WDPCP: variants seen among roughly 807,000 people sequenced by gnomAD.
WDPCP encodes WD repeat containing planar cell polarity effector, also known as WD repeat-containing and planar cell polarity effector protein fritz homolog.
Under a neutral mutation model 93.1 loss-of-function variants are expected in WDPCP, and 71 were observed. That is an observed-to-expected ratio of 0.76 (90% CI 0.63 to 0.93). The LOEUF is 0.93. WDPCP is among the 40% of genes least tolerant of loss of function. WDPCP has a pLI of 0.00. For synonymous variants in WDPCP, 315 were observed against 315.0 expected (o/e 1.00, Z 0.00); for missense variants, 844 against 887.4 (o/e 0.95, Z 0.62).
chr2:63,124,792 T>C (rs934560340), intron 17 of WDPCP, among the ~76,000 whole-genome samples: 2 of 152,188 alleles, frequency 1.3e-5, no homozygotes, highest in African/African-American at 4.8e-5. Flanking sequence ...TTGAGGCTCA[T>C]ATGGGTTAAG....
intron 14 of WDPCP, among the ~76,000 whole-genome samples, chr2:63,207,136 T>A (rs17348120): frequency 0.32 from 48,155 of 152,104 alleles, 9,122 homozygotes; most frequent in Non-Finnish European, 0.42. Context: ...TTTATTATGC[T>A]TATCACTAGT....
At chr2:63,142,518 T>G in intron 17 of WDPCP, among the ~76,000 whole-genome samples, 1 of 152,226 alleles carries the variant, frequency 6.6e-6, no homozygotes, top group East Asian at 1.9e-4. Flanking sequence ...ATAATTTCAA[T>G]TTTTTAAAAT....
intron 8 of WDPCP, among the ~76,000 whole-genome samples, chr2:63,434,161 A>G (rs1320955384): frequency 1.3e-5 from 2 of 152,192 alleles, no homozygotes; most frequent in Admixed American, 6.5e-5. Flanking sequence ...AAGGAAAAGG[A>G]GAAATGTGAG....
chr2:63,288,481 G>T lies in WDPCP; in HGVS notation c.1812+24767C>A, dbSNP rs532880047. Reference sequence around the variant, plus strand: ...TATTGAGAGAATGCATGTAATAGTAGAGTCTAGATCTGTGATAGTAAGTGA... The same window carrying T: ...TATTGAGAGAATGCATGTAATAGTATAGTCTAGATCTGTGATAGTAAGTGA... On this transcript the variant is annotated intron_variant, in intron 13 of 17. Coordinates refer to ENST00000272321, the MANE Select transcript of WDPCP (RefSeq NM_015910.7). 2.6e-5 allele frequency among the ~76,000 whole-genome samples: 4 copies of T among 152,316 alleles called. No homozygotes were observed. In the East Asian group the frequency reaches 7.7e-4, roughly 29 times the overall value.
At chr2:63,231,013 A>G (rs1467912179) in intron 14 of WDPCP, among the ~76,000 whole-genome samples, 1 of 152,086 alleles carries the variant, frequency 6.6e-6, no homozygotes, top group East Asian at 1.9e-4. Flanking sequence ...ATACTGGCAA[A>G]CTGAATCCAG....
chr2:63,421,714 A>T (rs1695875722), intron 9 of WDPCP, among the ~76,000 whole-genome samples: 1 of 152,190 alleles, frequency 6.6e-6, no homozygotes, highest in Admixed American at 6.5e-5. Context: ...CCCACATAAA[A>T]CAGACAGTTA....
At chr2:63,258,615 G>A (rs1312395767) in intron 14 of WDPCP, among the ~76,000 whole-genome samples, 2 of 152,026 alleles carry the variant, frequency 1.3e-5, no homozygotes, top group African/African-American at 2.4e-5. Context: ...CAATCCTGAG[G>A]GTTCTTTGCC....
At chr2:63,584,350 G>C (rs544794241) in intron 1 of WDPCP, among the ~76,000 whole-genome samples, 1 of 152,206 alleles carries the variant, frequency 6.6e-6, no homozygotes, top group East Asian at 1.9e-4. Context: ...GTGAACAACA[G>C]TATTTGTTGC....
chr2:63,137,359 A>G (rs1214484536), intron 17 of WDPCP, among the ~76,000 whole-genome samples: 2 of 152,120 alleles, frequency 1.3e-5, no homozygotes, highest in Non-Finnish European at 2.9e-5. Context: ...GTTTGTATGT[A>G]TGATTCTCTT....
At chr2:63,730,984 A>T (rs1360661819) in intron 2 of WDPCP, among the ~76,000 whole-genome samples, 1 of 152,058 alleles carries the variant, frequency 6.6e-6, no homozygotes, top group Non-Finnish European at 1.5e-5. Context: ...AAAAGACAAG[A>T]ATGAGGCCGG....
chr2:63,616,114 T>C (rs954361969), intron 3 of WDPCP, among the ~76,000 whole-genome samples: 8 of 152,156 alleles, frequency 5.3e-5, no homozygotes, highest in Non-Finnish European at 7.4e-5. Context: ...ATAACACACA[T>C]ATAGTACAAT....
chr2:63,389,754 T>A (rs1693061178), intron 10 of WDPCP, among the ~76,000 whole-genome samples: 1 of 152,094 alleles, frequency 6.6e-6, no homozygotes, highest in African/African-American at 2.4e-5. Context: ...TCCTAGGGTC[T>A]GATAAAATAG....
chr2:63,664,078 T>G (rs262516), intron 2 of WDPCP, among the ~76,000 whole-genome samples: 121,909 of 152,138 alleles, frequency 0.8, 49,264 homozygotes, highest in East Asian at 0.98. Flanking sequence ...TTTGTCTCAA[T>G]ATCATTTTTA....
chr2:63,840,567 T>TC, the WDPCP span, among the ~76,000 whole-genome samples: 3 of 152,058 alleles, frequency 2.0e-5, no homozygotes, highest in Admixed American at 2.0e-4. Flanking sequence ...ATCCTCACCC[T>TC]CCCCCAACCA....
chr2:63,192,833 C>T (rs1014116069), intron 14 of WDPCP, among the ~76,000 whole-genome samples: 2 of 152,216 alleles, frequency 1.3e-5, no homozygotes, highest in Non-Finnish European at 2.9e-5. Context: ...AGGAGATATC[C>T]TTTCCAGTCT....
chr2:63,550,131 G>A lies in WDPCP; in HGVS notation c.75+38066C>T, dbSNP rs996059873. Among the ~76,000 whole-genome samples the A allele has an allele frequency of 2.6e-5, 4 of 151,378 alleles. No individual in the cohort carries two copies. In the East Asian group the frequency reaches 7.8e-4, roughly 29 times the overall value. On this transcript the variant is annotated intron_variant, in intron 1 of 17. Transcript: ENST00000272321. ...ACTGGCTTCTCCTATGTTCTCATGCGTAGATTCTTTATCTCACACATTCCC... is the reference window on the plus strand; with the variant it reads ...ACTGGCTTCTCCTATGTTCTCATGCATAGATTCTTTATCTCACACATTCCC...
chr2:63,392,737 G>T (rs577713393), intron 10 of WDPCP, among the ~76,000 whole-genome samples: 1 of 152,302 alleles, frequency 6.6e-6, no homozygotes, highest in South Asian at 2.1e-4. Flanking sequence ...CATATGAACA[G>T]ACACTTTTCA....
chr2:63,353,603 T>C (rs1223107600), intron 12 of WDPCP, among the ~76,000 whole-genome samples: 1 of 152,146 alleles, frequency 6.6e-6, no homozygotes, highest in Admixed American at 6.5e-5. Flanking sequence ...ACAGCTGCTC[T>C]ACCAAAACGT....
chr2:63,225,945 T>G (rs1678256332), intron 14 of WDPCP, among the ~76,000 whole-genome samples: 1 of 151,860 alleles, frequency 6.6e-6, no homozygotes, highest in South Asian at 2.1e-4. Context: ...TAAAATTTAG[T>G]TTCATGGTCT....
Sources: allele counts gnomAD v4.1 joint callset (sites outside exome capture counted in the v4.1 genomes callset), GRCh38; gene constraint gnomAD v4.1.1; transcripts MANE v1.5; gene names NCBI Gene and HGNC (gene_info 2026-07-23, HGNC 2026-07-21).